Variants in DHRSX observed in about 807,000 individuals in gnomAD.
DHRSX encodes the protein dehydrogenase/reductase X-linked, also known as polyprenol dehydrogenase.
In DHRSX, 31 loss-of-function variants were observed where a neutral mutation model predicts 34.0. The ratio of observed to expected loss-of-function variants is 0.91; its 90% CI spans 0.69 to 1.23. DHRSX has a LOEUF of 1.23. Among genes scored for constraint, DHRSX ranks in the 50% most tolerant of loss-of-function variants. The pLI is 0.00. For missense variants in DHRSX, 414 were observed against 428.1 expected, an observed-to-expected ratio of 0.97 and a Z score of 0.29; for synonymous variants, 201 against 183.8, an observed-to-expected ratio of 1.09 and a Z score of -0.76.
chrX:2,235,552 G>A (rs1418765875), intron 6 of DHRSX, among the ~76,000 whole-genome samples: 2 of 151,080 alleles, frequency 1.3e-5, no homozygotes, highest in African/African-American at 2.4e-5. Context: ...AGACCATCCC[G>A]GCCAACATGG....
rs756251804 is a variant in DHRSX at position 2,302,537 on chromosome X, G to A, written c.287-10934C>T. Among the ~76,000 whole-genome samples the A allele has an allele frequency of 2.4e-3, 364 of 152,194 alleles. 1 individual carries two copies. The highest frequency in any genetic ancestry group is 7.9e-3 in the African/African-American group (329 of 41,546). On this transcript the variant is annotated intron_variant, in intron 3 of 6. Coordinates refer to ENST00000334651, the MANE Select transcript of DHRSX (RefSeq NM_145177.3). ...TGAGGCAGGAGAATTGCTTAAACCC[G>A]GGAGGTGGAGGTTGCAGTGAGCTGA...
chrX:2,489,996 T>C (rs2045085317), intron 1 of DHRSX: 1 of 1,613,748 alleles, frequency 6.2e-7, no homozygotes, highest in Non-Finnish European at 8.5e-7. Context: ...TCCGCCGTGT[T>C]CTCTTCGGGC....
chrX:2,264,909 G>A (rs892253648), intron 5 of DHRSX, among the ~76,000 whole-genome samples: 1 of 150,962 alleles, frequency 6.6e-6, no homozygotes, highest in Admixed American at 6.6e-5. Context: ...AAATGCGGGG[G>A]CACTGTGCCC....
At chrX:2,295,672 C>T in intron 3 of DHRSX, among the ~76,000 whole-genome samples, 1 of 152,246 alleles carries the variant, frequency 6.6e-6, no homozygotes, top group East Asian at 1.9e-4. Flanking sequence ...TATTACCAGG[C>T]TGTTAGGACA....
chrX:2,263,310 A>T (rs1281072653), intron 5 of DHRSX, among the ~76,000 whole-genome samples: 1 of 152,136 alleles, frequency 6.6e-6, no homozygotes, highest in Non-Finnish European at 1.5e-5. Context: ...GTATGGAATC[A>T]GTGCCTTTAT....
intron 3 of DHRSX, among the ~76,000 whole-genome samples, chrX:2,346,591 C>T (rs1169063757): frequency 6.6e-6 from 1 of 152,028 alleles, no homozygotes; most frequent in South Asian, 2.1e-4. Flanking sequence ...TACAAGGTGA[C>T]TCCCATGTTC....
chrX:2,445,032 C>T (rs1405381503), intron 1 of DHRSX, among the ~76,000 whole-genome samples: 4 of 151,934 alleles, frequency 2.6e-5, no homozygotes, highest in African/African-American at 7.3e-5. Flanking sequence ...TGGCGGACAC[C>T]GGTAATCCCA....
At chrX:2,400,464 G>GTCT (rs1376426684) in intron 3 of DHRSX, among the ~76,000 whole-genome samples, 3 of 152,134 alleles carry the variant, frequency 2.0e-5, no homozygotes, top group Non-Finnish European at 2.9e-5. Flanking sequence ...CACCTACACA[G>GTCT]AGACTCTTGC....
intron 3 of DHRSX, among the ~76,000 whole-genome samples, chrX:2,383,804 C>T (rs756230423): frequency 6.6e-6 from 1 of 152,200 alleles, no homozygotes; most frequent in Non-Finnish European, 1.5e-5. Flanking sequence ...AACTGCTTTA[C>T]AGCATGCTAT....
intron 5 of DHRSX, among the ~76,000 whole-genome samples, chrX:2,246,064 G>T (rs1242291129): frequency 1.3e-5 from 2 of 150,908 alleles, no homozygotes; most frequent in Non-Finnish European, 2.9e-5. Context: ...TATGTCACAG[G>T]CTCACGTCCT....
chrX:2,267,853 G>A (rs1320603107), intron 4 of DHRSX, among the ~76,000 whole-genome samples: 6 of 151,840 alleles, frequency 4.0e-5, no homozygotes, highest in African/African-American at 9.7e-5. Context: ...AGGTTGAGGC[G>A]GGAGGATTGT....
At chrX:2,334,909 G>A (rs1221954276) in intron 3 of DHRSX, 5 of 152,142 alleles carry the variant, frequency 3.3e-5, no homozygotes, top group African/African-American at 1.2e-4. Flanking sequence ...TCCGGGCGTG[G>A]TGGCTCACGC....
chrX:2,305,495 T>C (rs2042087829), intron 3 of DHRSX, among the ~76,000 whole-genome samples: 1 of 152,102 alleles, frequency 6.6e-6, no homozygotes, highest in South Asian at 2.1e-4. Context: ...ACTGGGTATA[T>C]ACCCAAAGGA....
chrX:2,484,315 G>A (rs1344384384), intron 1 of DHRSX, among the ~76,000 whole-genome samples: 1 of 152,150 alleles, frequency 6.6e-6, no homozygotes, highest in Non-Finnish European at 1.5e-5. Context: ...GTTGTTGAGA[G>A]ACAGAGAATG....
At chrX:2,282,731 GGAGA>G (rs2041731735) in intron 4 of DHRSX, among the ~76,000 whole-genome samples, 6 of 102,392 alleles carry the variant, frequency 5.9e-5, no homozygotes, top group East Asian at 2.8e-4. Flanking sequence ...AGGGAGGGAG[GGAGA>G]GGGAGAATGG....
Position 2,415,308 on chromosome X carries a change from A to G in DHRSX, c.218-6495T>C, listed in dbSNP as rs190089745. On this transcript the variant is annotated intron_variant, in intron 2 of 6. Transcript: ENST00000334651. ...ATTTCATTATGACCACCGCATCTGG[A>G]CCTCATCATAACCTAACTGGATCTC... Among the ~76,000 whole-genome samples the G allele has an allele frequency of 1.1e-4, 17 of 151,890 alleles. No individual in the cohort carries two copies. In the East Asian group the frequency reaches 1.9e-3, roughly 17 times the overall value.
At chrX:2,382,693 CCAT>C (rs2043221181) in intron 3 of DHRSX, among the ~76,000 whole-genome samples, 1 of 38,024 alleles carries the variant, frequency 2.6e-5, no homozygotes, top group African/African-American at 8.8e-5. Context: ...ACCATCATCA[CCAT>C]CATCACCATC....
chrX:2,304,140 A>AATGG (rs765675076), intron 3 of DHRSX, among the ~76,000 whole-genome samples: 25 of 31,426 alleles, frequency 8.0e-4, no homozygotes, highest in South Asian at 3.4e-3. Context: ...TGGATGGATG[A>AATGG]ATGGATGGAT....
In DHRSX at chrX:2,381,797, CAAA is replaced by C. The variant is rs767319246; in HGVS notation, c.286+26945_286+26947del. 5.6e-3 allele frequency among the ~76,000 whole-genome samples: 460 copies of C among 81,582 alleles called. 2 individuals carry two copies. The highest frequency in any genetic ancestry group is 7.8e-3 in the Admixed American group (46 of 5,904). 53.5% of individuals were successfully genotyped at this position (81,582 alleles called of 152,430 possible). On this transcript the variant is annotated intron_variant, in intron 3 of 6. Coordinates refer to ENST00000334651, the MANE Select transcript of DHRSX (RefSeq NM_145177.3). The stretch of plus-strand genomic sequence containing the variant: ...ATCCCCGTTCTCAGGAAGCCACAAC[CAAA>C]AAAAAAAAAAAAAAAAAAAAGCCAG...
Sources: gnomAD v4.1 joint callset for allele counts (sites outside exome capture counted in the v4.1 genomes callset) on GRCh38, gnomAD v4.1.1 for gene constraint, MANE v1.5 for transcripts, NCBI Gene and HGNC (gene_info 2026-07-23, HGNC 2026-07-21) for gene names.